KRT25: variants seen among roughly 807,000 people sequenced by gnomAD.
KRT25 encodes the protein keratin 25.
A neutral mutation model predicts 47.6 loss-of-function variants in KRT25; 37 were observed. That is an observed-to-expected ratio of 0.78 (90% CI 0.60 to 1.02). The LOEUF (loss-of-function observed/expected upper bound fraction) is 1.02, where lower values mean the gene tolerates loss of function less well. KRT25 is among the 50% of genes least tolerant of loss of function. The pLI, the probability that KRT25 is intolerant of heterozygous loss-of-function variation, is 0.00. For synonymous variants in KRT25, 203 were observed against 210.2 expected (o/e 0.97, Z 0.30); for missense variants, 542 against 550.3 (o/e 0.98, Z 0.15).
At position 40,753,971 on chromosome 17, in the gene KRT25, G is replaced by T. The variant is rs1567664306; in HGVS notation, c.558C>A (p.Val186=). 2 of 1,613,922 alleles carry T rather than the reference G, an allele frequency of 1.2e-6. No homozygotes were observed. Among genetic ancestry groups the T allele is most frequent in the Non-Finnish European group, 1.7e-6 (2 of 1,179,918 alleles). ...LALHQSVEAD[V]NGLRRVLDEI... ...CATCCAAAACTCTTCGTAACCCATT[G>T]ACATCAGCCTCTACACTCTGGTGAA... The change falls in exon 3 of 8, where the codon GTC becomes GTA. Residue 186 remains valine, a synonymous_variant. Coordinates refer to ENST00000312150, the MANE Select transcript of KRT25 (RefSeq NM_181534.4).
chr17:40,750,392 C>T lies in KRT25; in HGVS notation c.1163G>A (p.Gly388Glu), dbSNP rs1204755357. The change falls in exon 6 of 8, where the codon GGA (glycine) becomes GAA (glutamate). Residue 388 changes from glycine (G) to glutamate (E), a missense_variant. Coordinates refer to ENST00000312150, the MANE Select transcript of KRT25 (RefSeq NM_181534.4). ...KEIETYCLLI[G>E]GDDGACKSGG... ...TTATTTTACCTACCCATCATCTCCT[C>T]CTATAAGGAGACAGTAGGTCTCAAT... 2.5e-5 allele frequency: 40 copies of T among 1,613,810 alleles called. No homozygotes were observed. Among genetic ancestry groups the T allele is most frequent in the Non-Finnish European group, 3.4e-5 (40 of 1,179,826 alleles).
chr17:40,755,273 G>A lies in KRT25; in HGVS notation c.-2C>T. The A allele has an allele frequency of 6.2e-7, 1 of 1,611,958 alleles. No individual in the cohort carries two copies. The highest frequency in any genetic ancestry group is 8.5e-7 in the Non-Finnish European group (1 of 1,179,036). ...TGCACTGGAAAGTCGAAGAGACATGGTATCAGGGCAAACGCGTTGCAGAGC... is the reference window on the plus strand; with the variant it reads ...TGCACTGGAAAGTCGAAGAGACATGATATCAGGGCAAACGCGTTGCAGAGC... On this transcript the variant is annotated 5_prime_UTR_variant, in exon 1 of 8. Transcript: ENST00000312150.
chr17:40,748,207 T>C lies in KRT25; in HGVS notation c.*70A>G. ...ACATTTTTCTTAGACATGCACATTTTTCTGGACAGATACATAATGCCTTTT... is the reference window on the plus strand; with the variant it reads ...ACATTTTTCTTAGACATGCACATTTCTCTGGACAGATACATAATGCCTTTT... On this transcript the variant is annotated 3_prime_UTR_variant, in exon 8 of 8. Transcript: ENST00000312150. 9.9e-7 allele frequency: 1 copy of C among 1,011,274 alleles called. No homozygotes were observed. The highest frequency in any genetic ancestry group is 1.6e-5 in the South Asian group (1 of 62,160). The allele number at this position is 1,011,274 out of a possible 1,614,324, so 62.6% of individuals were successfully genotyped here. A position where few individuals can be genotyped will look rare whatever the true frequency, so the allele number is the denominator to read the frequency against.
Position 40,755,232 on chromosome 17 carries a change from G to A in KRT25, c.40C>T (p.Pro14Ser), listed in dbSNP as rs757416038. ...RLSSASRRSCPRPTTGSLRLY... is the reference protein window; with the variant it reads ...RLSSASRRSCSRPTTGSLRLY... ...CTGAGTGATCCAGTGGTGGGACGAG[G>A]ACAGGACCTCCTGGATGCACTGGAA... The change falls in exon 1 of 8, where the codon CCT becomes TCT. Residue 14 changes from proline (P) to serine (S), a missense_variant. Transcript: ENST00000312150. 6.2e-7 allele frequency: 1 copy of A among 1,614,082 alleles called. No individual in the cohort carries two copies. Among genetic ancestry groups the A allele is most frequent in the South Asian group, 1.1e-5 (1 of 91,080 alleles).
In KRT25 at chr17:40,750,463, C is replaced by G; in HGVS notation, c.1092G>C (p.Leu364=). ...QVRTETEGQK[L]EYEQLLDIKL... ...TGATGTCCAGGAGCTGCTCATACTC[C>G]AGCTTCTGGCCCTCGGTCTCGGTTC... Residue 364 remains leucine, a synonymous_variant, in exon 6 of 8, where the codon CTG becomes CTC. Transcript: ENST00000312150. 6.2e-7 allele frequency: 1 copy of G among 1,613,996 alleles called. No individual in the cohort carries two copies. The highest frequency in any genetic ancestry group is 1.3e-5 in the African/African-American group (1 of 75,016).
At chr17:40,755,452 T>C (rs535461336), upstream of KRT25, 4 of 588,020 alleles carry the variant, frequency 6.8e-6, no homozygotes, top group Admixed American at 3.2e-5. Flanking sequence ...AATTGGGTGA[T>C]TTTTTCTAAT....
Position 40,754,934 on chromosome 17 carries a change from C to A in KRT25, c.338G>T (p.Gly113Val), listed in dbSNP as rs764899039. ...GCCAGGCCCAAATTTCTCATACCAG[C>A]CCTTGATCTTCTGCTCCAGGTCAGC... is the stretch of plus-strand genomic sequence containing the variant. The part of the protein sequence containing the change: ...ANADLEQKIK[G>V]WYEKFGPGSC... Residue 113 changes from glycine (G) to valine (V), a missense_variant, in exon 1 of 8, where the codon GGC becomes GTC. By Grantham distance (109) the Gly-to-Val change is moderately radical. Coordinates refer to ENST00000312150, the MANE Select transcript of KRT25 (RefSeq NM_181534.4). 4.3e-6 allele frequency: 7 copies of A among 1,614,158 alleles called. No homozygotes were observed. The highest frequency in any genetic ancestry group is 5.9e-6 in the Non-Finnish European group (7 of 1,180,034).
chr17:40,750,979 A>G lies in KRT25; in HGVS notation c.932T>C (p.Ile311Thr), dbSNP rs201550237. Residue 311 changes from isoleucine (I) to threonine (T), a missense_variant, in exon 5 of 8, where the codon ATT becomes ACT. Coordinates refer to ENST00000312150, the MANE Select transcript of KRT25 (RefSeq NM_181534.4). ...CGTGGCTAGGAGAGACTGAAGTTCA[A>G]TTTCCAGGGTTTGAAGAGTGCGCTT... ...EMKRTLQTLE[I>T]ELQSLLATKH... 70 of 1,614,014 alleles carry G rather than the reference A, an allele frequency of 4.3e-5. No individual in the cohort carries two copies. The highest frequency in any genetic ancestry group is 5.2e-5 in the Non-Finnish European group (61 of 1,180,026).
rs779651833 is a variant in KRT25 at position 40,750,459 on chromosome 17, A to G, written c.1096T>C (p.Tyr366His). ...AGCTTGATGTCCAGGAGCTGCTCAT[A>G]CTCCAGCTTCTGGCCCTCGGTCTCG... Reference protein sequence around the residue: ...RTETEGQKLEYEQLLDIKLHL... With the variant: ...RTETEGQKLEHEQLLDIKLHL... Residue 366 changes from tyrosine to histidine, a missense_variant, in exon 6 of 8, where the codon TAT becomes CAT. By Grantham distance (83) the Tyr-to-His change is moderately conservative. Transcript: ENST00000312150. 1.9e-6 allele frequency: 3 copies of G among 1,613,450 alleles called. No homozygotes were observed. The Admixed American group carries it at 5.0e-5, about 27-fold the overall frequency.
In KRT25 at chr17:40,750,549, C is replaced by T; in HGVS notation, c.1006G>A (p.Ala336Thr). The change falls in exon 6 of 8, where the codon GCG becomes ACG. Residue 336 changes from alanine to threonine, a missense_variant. Physicochemically the swap from Ala to Thr is moderately conservative, Grantham distance 58. Coordinates refer to ENST00000312150, the MANE Select transcript of KRT25 (RefSeq NM_181534.4). Reference sequence around the variant, plus strand: ...TGAGCCTGGATCTGCGCCAGCTGCGCACAGTAGTTGCTCTCGGTCTCTGTC... The same window carrying T: ...TGAGCCTGGATCTGCGCCAGCTGCGTACAGTAGTTGCTCTCGGTCTCTGTC... ...SLTETESNYC[A>T]QLAQIQAQIG... The T allele has an allele frequency of 1.1e-5, 17 of 1,614,246 alleles. No homozygotes were observed. Among genetic ancestry groups the T allele is most frequent in the South Asian group, 4.4e-5 (4 of 91,088 alleles).
rs765573191 is a variant in KRT25, at chr17:40,754,034, A to C, written c.513-18T>G. 5 of 1,612,540 alleles carry C rather than the reference A, an allele frequency of 3.1e-6. No homozygotes were observed. The South Asian group carries it at 4.4e-5, about 14-fold the overall frequency. On this transcript the variant is annotated intron_variant, in intron 2 of 7. Coordinates refer to ENST00000312150, the MANE Select transcript of KRT25 (RefSeq NM_181534.4). ...TTTCATACCTTAAAGAGTGTTAATG[A>C]TTTCCTAATTTGTCACATGGTTGGA...
chr17:40,755,396 C>CGACCACCGAGAT, upstream of KRT25: 1 of 876,198 alleles, frequency 1.1e-6, no homozygotes, highest in Non-Finnish European at 1.7e-6. Flanking sequence ...TGAAATTCTG[C>CGACCACCGAGAT]CTACACAGAG....
rs72821893 is a variant in KRT25 at position 40,751,196 on chromosome 17, C to A, written c.800G>T (p.Arg267Leu). The A allele has an allele frequency of 2.5e-6, 4 of 1,614,122 alleles. No homozygotes were observed. Among genetic ancestry groups the A allele is most frequent in the Admixed American group, 1.7e-5 (1 of 60,026 alleles). Residue 267 changes from arginine to leucine, a missense_variant, in exon 4 of 8, where the codon CGC (arginine) becomes CTC (leucine). Coordinates refer to ENST00000312150, the MANE Select transcript of KRT25 (RefSeq NM_181534.4). ...AEYEALAEQN[R>L]RDAEAWFNEK... ...GTTGAACCAGGCCTCCGCGTCCCTG[C>A]GGTTCTGCTCTGCAAGGGCTTCGTA...
chr17:40,750,187 C>T (rs1017483271), intron 6 of KRT25, among the ~76,000 whole-genome samples, 193 bp downstream of exon 6: 3 of 152,062 alleles, frequency 2.0e-5, no homozygotes, highest in Non-Finnish European at 2.9e-5. Context: ...ATCTTGAACT[C>T]GGTGCCTGCT....
In KRT25 at chr17:40,755,052, G is replaced by A. The variant is rs758047067; in HGVS notation, c.220C>T (p.Leu74Phe). Residue 74 changes from leucine to phenylalanine, a missense_variant, in exon 1 of 8, where the codon CTC (leucine) becomes TTC (phenylalanine). Leu to Phe is a conservative substitution (Grantham distance 22, BLOSUM62 0). Coordinates refer to ENST00000312150, the MANE Select transcript of KRT25 (RefSeq NM_181534.4). Reference sequence around the variant, plus strand: ...GTCACCTTCTCATTGCCAGAAAGGAGCCCCCGCTCATTCACAGTGAAGCCA... The same window carrying A: ...GTCACCTTCTCATTGCCAGAAAGGAACCCCCGCTCATTCACAGTGAAGCCA... ...CAGFTVNERG[L>F]LSGNEKVTMQ... is the part of the protein sequence containing the mutation. 1.2e-6 allele frequency: 2 copies of A among 1,614,150 alleles called. No homozygotes were observed. The highest frequency in any genetic ancestry group is 1.6e-4 in the Middle Eastern group (1 of 6,062).
intron 7 of KRT25, among the ~76,000 whole-genome samples, chr17:40,748,714 T>C (rs915039265): frequency 1.3e-5 from 2 of 152,190 alleles, no homozygotes; most frequent in African/African-American, 4.8e-5. Context: ...GTTGGGTATA[T>C]ATACCCAGAG....
rs1184412433 is a variant in KRT25, at chr17:40,751,250, G to A, written c.746C>T (p.Thr249Ile). The change falls in exon 4 of 8, where the codon ACA becomes ATA. Residue 249 changes from threonine to isoleucine, a missense_variant. Physicochemically the swap from Thr to Ile is moderately conservative, Grantham distance 89. Coordinates refer to ENST00000312150, the MANE Select transcript of KRT25 (RefSeq NM_181534.4). Reference protein sequence around the residue: ...EMNAAPGVDLTVLLNNMRAEY... With the variant: ...EMNAAPGVDLIVLLNNMRAEY... ...AGCTCGCATGTTGTTCAGCAGAACT[G>A]TGAGGTCCACCCCGGGGGCTGCGTT... The A allele has an allele frequency of 2.5e-6, 4 of 1,614,122 alleles. No homozygotes were observed. In the African/African-American group the frequency reaches 5.3e-5, roughly 22 times the overall value.
Position 40,753,842 on chromosome 17 carries a change from T to C in KRT25, c.669+18A>G. ...GTGTCTGCGGAGGGATAGCAAAATG[T>C]AGACGACCAGCTCTTACCTCTTTAT... On this transcript the variant is annotated intron_variant, in intron 3 of 7. Transcript: ENST00000312150. 6.2e-7 allele frequency: 1 copy of C among 1,612,374 alleles called. No individual in the cohort carries two copies. Among genetic ancestry groups the C allele is most frequent in the Non-Finnish European group, 8.5e-7 (1 of 1,179,064 alleles).
At chr17:40,752,175 C>A (rs776449227) in intron 3 of KRT25, among the ~76,000 whole-genome samples, 1 of 152,002 alleles carries the variant, frequency 6.6e-6, no homozygotes, top group Non-Finnish European at 1.5e-5. Flanking sequence ...AATAAGACTC[C>A]GTGATACTGC....
Sources: allele counts gnomAD v4.1 joint callset (sites outside exome capture counted in the v4.1 genomes callset), GRCh38; gene constraint gnomAD v4.1.1; transcripts MANE v1.5; gene names NCBI Gene and HGNC (gene_info 2026-07-23, HGNC 2026-07-21).